Variants in SYNPR observed in about 807,000 individuals in gnomAD.
The protein encoded by SYNPR is synaptoporin.
A neutral mutation model predicts 32.9 loss-of-function variants in SYNPR; 23 were observed. The observed-to-expected ratio is 0.70, with a 90% CI of 0.50 to 0.99. The LOEUF is 0.99. SYNPR is among the 50% of genes least tolerant of loss of function. The pLI, the probability that SYNPR is intolerant of heterozygous loss-of-function variation, is 0.00. For missense variants in SYNPR, 318 were observed against 349.3 expected (o/e 0.91, Z 0.71); for synonymous variants, 146 against 135.9 (o/e 1.07, Z -0.52).
intron 1 of SYNPR, among the ~76,000 whole-genome samples, chr3:63,247,279 G>C (rs1403127309): frequency 2.0e-5 from 3 of 150,146 alleles, no homozygotes; most frequent in Non-Finnish European, 4.4e-5. Context: ...TTTTTTTCCT[G>C]TCTGGTCCTG....
At chr3:63,295,298 A>C (rs1467285945) in intron 2 of SYNPR, among the ~76,000 whole-genome samples, 4 of 152,214 alleles carry the variant, frequency 2.6e-5, no homozygotes, top group Non-Finnish European at 5.9e-5. Flanking sequence ...TTTAGTTCTA[A>C]CAACTCTATT....
chr3:63,557,205 G>T (rs1702610073), intron 4 of SYNPR, among the ~76,000 whole-genome samples: 1 of 152,072 alleles, frequency 6.6e-6, no homozygotes, highest in East Asian at 1.9e-4. Context: ...GGACTCATAT[G>T]AGTGAAATCA....
chr3:63,229,100 A>G (rs2086149873), intron 1 of SYNPR, among the ~76,000 whole-genome samples: 2 of 152,182 alleles, frequency 1.3e-5, no homozygotes, highest in South Asian at 4.1e-4. Flanking sequence ...TTGGCATTTT[A>G]CTGCATTTAA....
At chr3:63,540,830 T>C (rs1702284996) in intron 3 of SYNPR, among the ~76,000 whole-genome samples, 1 of 151,222 alleles carries the variant, frequency 6.6e-6, no homozygotes, top group Non-Finnish European at 1.5e-5. Context: ...TATTGAACCC[T>C]TCTTTTTAAT....
chr3:63,593,620 A>T (rs376255763), intron 4 of SYNPR, among the ~76,000 whole-genome samples: 1 of 152,324 alleles, frequency 6.6e-6, no homozygotes, highest in African/African-American at 2.4e-5. Context: ...CAGTATGTCA[A>T]TCATAATGAA....
chr3:63,364,348 G>A (rs751858307), intron 2 of SYNPR, among the ~76,000 whole-genome samples: 9 of 152,142 alleles, frequency 5.9e-5, no homozygotes, highest in Non-Finnish European at 1.0e-4. Flanking sequence ...CAACATATAG[G>A]TTCAGGAGCT....
intron 2 of SYNPR, among the ~76,000 whole-genome samples, chr3:63,282,619 G>A (rs993698656): frequency 1.3e-5 from 2 of 150,600 alleles, no homozygotes; most frequent in Non-Finnish European, 1.5e-5. Context: ...CGAGGTCAAG[G>A]CTACAGTGAG....
chr3:63,368,712 T>C (rs919461695), intron 2 of SYNPR, among the ~76,000 whole-genome samples: 2 of 152,178 alleles, frequency 1.3e-5, no homozygotes, highest in Non-Finnish European at 2.9e-5. Context: ...TGTGCAGTGC[T>C]ACAGACTGAA....
intron 3 of SYNPR, among the ~76,000 whole-genome samples, chr3:63,510,700 T>C (rs928346868): frequency 2.6e-5 from 4 of 152,136 alleles, no homozygotes; most frequent in African/African-American, 4.8e-5. Flanking sequence ...GGCGTGTGAA[T>C]TTTGTTTACT....
chr3:63,238,457 A>G (rs1452319032), intron 1 of SYNPR, among the ~76,000 whole-genome samples: 2 of 150,746 alleles, frequency 1.3e-5, no homozygotes, highest in Non-Finnish European at 3.0e-5. Context: ...TCCACCCTCT[A>G]CTCTCCGCGT....
the SYNPR span, among the ~76,000 whole-genome samples, chr3:63,223,138 G>A: frequency 6.6e-6 from 1 of 151,964 alleles, no homozygotes; most frequent in Non-Finnish European, 1.5e-5. Flanking sequence ...GGGCCTGGAA[G>A]GGATTCTCAT....
At chr3:63,361,220 C>G (rs1224425636) in intron 2 of SYNPR, among the ~76,000 whole-genome samples, 3 of 152,030 alleles carry the variant, frequency 2.0e-5, no homozygotes, top group Admixed American at 2.0e-4. Flanking sequence ...TAAAATTACA[C>G]CTGCAGGATG....
chr3:63,408,360 G>GAAAGAAAGAAAA lies in SYNPR; in HGVS notation c.85-72461_85-72460insAAAAGAAAGAAA, dbSNP rs1560221328. 4.8e-4 allele frequency among the ~76,000 whole-genome samples: 72 copies of GAAAGAAAGAAAA among 150,086 alleles called. 3 individuals carry two copies. The highest frequency in any genetic ancestry group is 3.8e-3 in the Admixed American group (56 of 14,680). On this transcript the variant is annotated intron_variant, in intron 2 of 5. Coordinates refer to ENST00000478300, the MANE Select transcript of SYNPR (RefSeq NM_001130003.2). ...AGAAAGAAAGAAAGAAAGAAAGAAA[G>GAAAGAAAGAAAA]AAAGAAAGAAAGAAAGAAAGAAAAG...
At chr3:63,374,088 T>C (rs1178721933) in intron 2 of SYNPR, among the ~76,000 whole-genome samples, 6 of 152,112 alleles carry the variant, frequency 3.9e-5, no homozygotes, top group Non-Finnish European at 8.8e-5. Flanking sequence ...GTGCTAAATA[T>C]GGAAAGGAAA....
intron 1 of SYNPR, among the ~76,000 whole-genome samples, chr3:63,235,083 CTGTG>C (rs1420858857): frequency 6.6e-6 from 1 of 152,172 alleles, no homozygotes; most frequent in South Asian, 2.1e-4. Flanking sequence ...TTGTACTCAT[CTGTG>C]TGTGTATGTG....
intron 3 of SYNPR, among the ~76,000 whole-genome samples, chr3:63,535,753 G>T (rs1702193759): frequency 6.6e-6 from 1 of 151,822 alleles, no homozygotes. Context: ...AATGAAGTTG[G>T]CGCCCTACCT....
the SYNPR span, among the ~76,000 whole-genome samples, chr3:63,202,416 G>T: frequency 6.6e-6 from 1 of 152,146 alleles, no homozygotes; most frequent in Non-Finnish European, 1.5e-5. Context: ...ATGCCCAGAT[G>T]GGAGAAGAGA....
intron 2 of SYNPR, among the ~76,000 whole-genome samples, chr3:63,435,983 T>C (rs1261313541): frequency 1.3e-5 from 2 of 152,200 alleles, no homozygotes; most frequent in Non-Finnish European, 1.5e-5. Flanking sequence ...GCAGGGACCA[T>C]GTTTACCTGT....
chr3:63,512,892 T>C (rs1701724324), intron 3 of SYNPR, among the ~76,000 whole-genome samples: 1 of 152,184 alleles, frequency 6.6e-6, no homozygotes, highest in Non-Finnish European at 1.5e-5. Flanking sequence ...CAAAGAATTG[T>C]TCTCTTGAAA....
Sources: allele counts gnomAD v4.1 joint callset (sites outside exome capture counted in the v4.1 genomes callset), GRCh38; gene constraint gnomAD v4.1.1; transcripts MANE v1.5; gene names NCBI Gene and HGNC (gene_info 2026-07-23, HGNC 2026-07-21).